The following TOM1L2 variants were observed in gnomAD, a reference collection of about 807,000 sequenced individuals.
TOM1L2 encodes the protein target of myb1 like 2 membrane trafficking protein.
A neutral mutation model predicts 67.9 loss-of-function variants in TOM1L2; 31 were observed. That is an observed-to-expected ratio of 0.46 (90% CI 0.34 to 0.62). The LOEUF is 0.62. Among genes scored for constraint, TOM1L2 ranks in the 20% least tolerant of loss-of-function variants. The pLI, the probability that TOM1L2 is intolerant of heterozygous loss-of-function variation, is 0.01. For synonymous variants in TOM1L2, 256 were observed against 254.0 expected, an observed-to-expected ratio of 1.01 and a Z score of -0.07; for missense variants, 606 against 663.5, an observed-to-expected ratio of 0.91 and a Z score of 0.95.
chr17:17,927,164 G>C (rs1250174772), intron 1 of TOM1L2, among the ~76,000 whole-genome samples: 1 of 152,146 alleles, frequency 6.6e-6, no homozygotes, highest in Non-Finnish European at 1.5e-5. Flanking sequence ...TATCTATCTA[G>C]TTTCTTTAGC....
intron 1 of TOM1L2, among the ~76,000 whole-genome samples, chr17:17,928,774 T>C (rs2040203111): frequency 6.6e-6 from 1 of 152,138 alleles, no homozygotes. Context: ...AGAACATAAA[T>C]AGCTGCTGTC....
At chr17:17,888,731 G>A (rs907437152) in intron 4 of TOM1L2, among the ~76,000 whole-genome samples, 2 of 152,242 alleles carry the variant, frequency 1.3e-5, no homozygotes, top group Non-Finnish European at 2.9e-5. Context: ...GGGCTGGAGA[G>A]GCATGACCAC....
At chr17:17,890,528 G>C (rs1271375576) in intron 4 of TOM1L2, among the ~76,000 whole-genome samples, 1 of 152,210 alleles carries the variant, frequency 6.6e-6, no homozygotes, top group Non-Finnish European at 1.5e-5. Flanking sequence ...CATCAACAGT[G>C]GGAGGGGTAA....
At chr17:17,917,714 G>C (rs1259429994) in intron 1 of TOM1L2, among the ~76,000 whole-genome samples, 3 of 151,558 alleles carry the variant, frequency 2.0e-5, no homozygotes, top group Non-Finnish European at 4.4e-5. Flanking sequence ...CATCACTTTG[G>C]GAGGCCAAGG....
At chr17:17,955,738 G>T (rs4414547) in intron 1 of TOM1L2, among the ~76,000 whole-genome samples, 74,129 of 151,962 alleles carry the variant, frequency 0.49, 19,113 homozygotes, top group East Asian at 0.86. Context: ...CTTCAAGAAT[G>T]AAGCCATAGA....
At chr17:17,923,443 A>C (rs1442042923) in intron 1 of TOM1L2, among the ~76,000 whole-genome samples, 4 of 151,932 alleles carry the variant, frequency 2.6e-5, no homozygotes, top group African/African-American at 4.8e-5. Flanking sequence ...ACAACAACAA[A>C]CACCCATGGT....
intron 1 of TOM1L2, among the ~76,000 whole-genome samples, chr17:17,952,847 T>C (rs1266295899): frequency 1.3e-5 from 2 of 152,060 alleles, no homozygotes; most frequent in Non-Finnish European, 2.9e-5. Flanking sequence ...AGAAGCAACA[T>C]GGAATGCTGG....
In TOM1L2 at chr17:17,898,596, T is replaced by A. The variant is rs199943147; in HGVS notation, c.216A>T (p.Thr72=). 6.8e-6 allele frequency: 11 copies of A among 1,614,220 alleles called. No individual in the cohort carries two copies. The East Asian group carries it at 2.2e-4, about 33-fold the overall frequency. Residue 72 remains threonine (T), a splice_region_variant and synonymous_variant, in exon 3 of 15, where the codon ACA becomes ACT. Transcript: ENST00000379504. ...TCTCCTCAAGGAGAATAGCACTCAC[T>A]GTTAATGCCAGCATCACCTCTCTGT... The part of the protein sequence containing the change: ...RNYREVMLAL[T]VLETCVKNCG...
intron 1 of TOM1L2, among the ~76,000 whole-genome samples, chr17:17,926,008 CA>C (rs1245999169): frequency 6.6e-6 from 1 of 151,640 alleles, no homozygotes; most frequent in Non-Finnish European, 1.5e-5. Flanking sequence ...TTGTCTCTAC[CA>C]AAAATTTAAA....
chr17:17,848,900 C>A, intron 13 of TOM1L2, 41 bp from the exon 14 acceptor site: 1 of 1,610,520 alleles, frequency 6.2e-7, no homozygotes, highest in Non-Finnish European at 8.5e-7. Context: ...GGCACTGGTC[C>A]AAGCACTGCC....
At chr17:17,916,642 T>C (rs1373263746) in intron 1 of TOM1L2, among the ~76,000 whole-genome samples, 1 of 152,234 alleles carries the variant, frequency 6.6e-6, no homozygotes, top group Non-Finnish European at 1.5e-5. Context: ...TCTTTCCTTA[T>C]TCCAATACCA....
intron 1 of TOM1L2, among the ~76,000 whole-genome samples, chr17:17,915,812 A>G (rs1157313544): frequency 2.0e-5 from 3 of 149,762 alleles, no homozygotes; most frequent in South Asian, 2.1e-4. Flanking sequence ...ATGAGCCACA[A>G]TGCTTGGCTC....
At chr17:17,957,395 G>T (rs1007257683) in intron 1 of TOM1L2, among the ~76,000 whole-genome samples, 20 of 152,300 alleles carry the variant, frequency 1.3e-4, no homozygotes, top group African/African-American at 4.8e-4. Flanking sequence ...TGAACTTCTA[G>T]AAGAGATAAA....
In TOM1L2 at chr17:17,848,742, C is replaced by T. The variant is rs2035790632; in HGVS notation, c.1375+81G>A. On this transcript the variant is annotated intron_variant, in intron 14 of 14. Transcript: ENST00000379504. ...AGTAGGTGCTCTGGCAGCGGGGGCT[C>T]CAAGATGATGGGGGCTGGCTCCTGT... is the stretch of plus-strand genomic sequence containing the variant. 4 of 1,530,868 alleles carry T rather than the reference C, an allele frequency of 2.6e-6. No individual in the cohort carries two copies. The East Asian group carries it at 9.0e-5, about 35-fold the overall frequency. 94.8% of individuals were successfully genotyped at this position (1,530,868 alleles called of 1,614,324 possible). A position where few individuals can be genotyped will look rare whatever the true frequency, so the allele number is the denominator to read the frequency against.
At chr17:17,885,569 G>A (rs1028894543) in intron 4 of TOM1L2, among the ~76,000 whole-genome samples, 1 of 152,140 alleles carries the variant, frequency 6.6e-6, no homozygotes, top group African/African-American at 2.4e-5. Flanking sequence ...ATCACAGAGA[G>A]GAAAGAGCAA....
chr17:17,933,683 A>G (rs962094930), intron 1 of TOM1L2, among the ~76,000 whole-genome samples: 6 of 152,202 alleles, frequency 3.9e-5, no homozygotes, highest in Non-Finnish European at 7.3e-5. Flanking sequence ...TGGTGGAGCC[A>G]TAATAGTTGT....
chr17:17,970,762 A>G (rs1159915311), intron 1 of TOM1L2, among the ~76,000 whole-genome samples: 1 of 152,232 alleles, frequency 6.6e-6, no homozygotes. Context: ...GGCTCCACTA[A>G]AGGCTGGAAA....
At position 17,844,901 on chromosome 17, in the gene TOM1L2, T is replaced by C. The variant is rs1282072968; in HGVS notation, c.*2734A>G. On this transcript the variant is annotated 3_prime_UTR_variant, in exon 15 of 15. Coordinates refer to ENST00000379504, the MANE Select transcript of TOM1L2 (RefSeq NM_001082968.2). ...CTTATAAGGAATCCCAGCAATAATT[T>C]AGTGTAATTAAGTATATACTGTATC... 1 of 152,476 alleles carries C rather than the reference T, an allele frequency of 6.6e-6. No homozygotes were observed. The highest frequency in any genetic ancestry group is 2.4e-5 in the African/African-American group (1 of 41,466). The allele number at this position is 152,476 out of a possible 1,614,324, so 9.4% of individuals were successfully genotyped here. A position where few individuals can be genotyped will look rare whatever the true frequency, so the allele number is the denominator to read the frequency against.
chr17:17,902,311 A>G (rs1011164056), intron 2 of TOM1L2, among the ~76,000 whole-genome samples: 17 of 152,344 alleles, frequency 1.1e-4, no homozygotes, highest in Middle Eastern at 3.4e-3. Context: ...AGCTCTGGAC[A>G]TTAGGGAAAG....
Sources: gnomAD v4.1 joint callset for allele counts (sites outside exome capture counted in the v4.1 genomes callset) on GRCh38, gnomAD v4.1.1 for gene constraint, MANE v1.5 for transcripts, NCBI Gene and HGNC (gene_info 2026-07-23, HGNC 2026-07-21) for gene names.